PRKG2: variants seen among roughly 807,000 people sequenced by gnomAD.
PRKG2 encodes protein kinase cGMP-dependent 2.
PRKG2 carries 33 observed loss-of-function variants against 97.2 expected under a neutral mutation model. That is an observed-to-expected ratio of 0.34 (90% CI 0.26 to 0.45). PRKG2 has a LOEUF of 0.45. PRKG2 is among the 20% of genes least tolerant of loss of function. The probability of loss-of-function intolerance (pLI) is 1.00; values close to 1 mark genes in which losing one functional copy is unlikely to be tolerated. For synonymous variants in PRKG2, 330 were observed against 321.8 expected (o/e 1.03, Z -0.27); for missense variants, 638 against 900.0 (o/e 0.71, Z 3.73).
chr4:81,200,964 C>A (rs1424826864), intron 2 of PRKG2, among the ~76,000 whole-genome samples: 1 of 152,112 alleles, frequency 6.6e-6, no homozygotes, highest in South Asian at 2.1e-4. Flanking sequence ...TGATATACTG[C>A]AGGTTGGGTG....
intron 18 of PRKG2, among the ~76,000 whole-genome samples, chr4:81,091,856 T>C (rs1741569958): frequency 6.6e-6 from 1 of 152,196 alleles, no homozygotes; most frequent in Admixed American, 6.5e-5. Context: ...ACGAAGTGAC[T>C]GAGCACTTGA....
intron 6 of PRKG2, among the ~76,000 whole-genome samples, chr4:81,159,469 G>A (rs1265058377): frequency 6.6e-6 from 1 of 152,120 alleles, no homozygotes; most frequent in African/African-American, 2.4e-5. Context: ...ACAGGTGCTG[G>A]AGAGGATGTG....
intron 9 of PRKG2, 37 bp downstream of exon 9, chr4:81,148,847 G>A (rs768056119): frequency 1.3e-6 from 2 of 1,575,830 alleles, no homozygotes; most frequent in Non-Finnish European, 1.7e-6. Flanking sequence ...CTTCAAAGGT[G>A]GCAGTGGCCT....
intron 1 of PRKG2, among the ~76,000 whole-genome samples, chr4:81,211,480 T>G (rs1753967953): frequency 6.6e-6 from 1 of 152,152 alleles, no homozygotes; most frequent in South Asian, 2.1e-4. Context: ...ACTGAAAAAG[T>G]AAGATACTGA....
intron 17 of PRKG2, among the ~76,000 whole-genome samples, chr4:81,097,739 T>G (rs1158914245): frequency 6.6e-6 from 1 of 152,182 alleles, no homozygotes. Context: ...TTTTAAGTTA[T>G]GGAGATGGCT....
At chr4:81,186,564 T>C (rs907278737) in intron 2 of PRKG2, among the ~76,000 whole-genome samples, 4 of 151,934 alleles carry the variant, frequency 2.6e-5, no homozygotes, top group Non-Finnish European at 5.9e-5. Flanking sequence ...TTAAAAGATC[T>C]AGAGAAGCAA....
Position 81,142,876 on chromosome 4 carries a change from G to T in PRKG2, c.1325C>A (p.Ala442Asp). The change falls in exon 11 of 19, where the codon GCC becomes GAC. Residue 442 changes from alanine (A) to aspartate (D), a missense_variant. Around this residue, in one of 3 missense-constraint regions of PRKG2, gnomAD observed 304 missense variants for 460.5 expected, o/e 0.66. Transcript: ENST00000264399. ...LEMIQLKEKVARFSSSSPFQN... is the reference protein window; with the variant it reads ...LEMIQLKEKVDRFSSSSPFQN... ...GAATGGGGATGATGAGGAAAATCTG[G>T]CCACCTTCTCCTTCAGCTGAATCAT... The T allele has an allele frequency of 6.2e-7, 1 of 1,613,160 alleles. No individual in the cohort carries two copies. Among genetic ancestry groups the T allele is most frequent in the Non-Finnish European group, 8.5e-7 (1 of 1,179,408 alleles).
At chr4:81,138,140 T>C (rs1746897051) in intron 12 of PRKG2, among the ~76,000 whole-genome samples, 1 of 152,178 alleles carries the variant, frequency 6.6e-6, no homozygotes, top group Non-Finnish European at 1.5e-5. Flanking sequence ...GTGGTTCTCT[T>C]CACCAAATAA....
chr4:81,154,655 C>A (rs958291515), intron 6 of PRKG2, among the ~76,000 whole-genome samples: 6 of 151,704 alleles, frequency 4.0e-5, no homozygotes, highest in African/African-American at 1.5e-4. Flanking sequence ...TACATAAAAC[C>A]ACAAAGATGG....
intron 17 of PRKG2, among the ~76,000 whole-genome samples, chr4:81,101,229 G>T (rs913924130): frequency 6.6e-6 from 1 of 151,862 alleles, no homozygotes; most frequent in African/African-American, 2.4e-5. Flanking sequence ...TATACCCAAA[G>T]GATTATAAAT....
At position 81,092,465 on chromosome 4, in the gene PRKG2, A is replaced by AAAGG. The variant is rs59866145; in HGVS notation, c.2127-17_2127-14dup. On this transcript the variant is annotated splice_polypyrimidine_tract_variant and intron_variant, in intron 17 of 18. Transcript: ENST00000264399. ...ACCATTTAACCACCTGAGAAATGAG[A>AAAGG]AAGGAAGGAAGGAAGGAAGGAAGGA... The AAAGG allele has an allele frequency of 0.12, 113,666 of 915,434 alleles. 9,378 individuals carry two copies. The highest frequency in any genetic ancestry group is 0.18 in the Middle Eastern group (523 of 2,860). The allele number at this position is 915,434 out of a possible 1,614,324, so 56.7% of individuals were successfully genotyped here. A position where few individuals can be genotyped will look rare whatever the true frequency, so the allele number is the denominator to read the frequency against.
chr4:81,131,342 G>A (rs1279231201), intron 14 of PRKG2, among the ~76,000 whole-genome samples: 1 of 152,136 alleles, frequency 6.6e-6, no homozygotes, highest in East Asian at 1.9e-4. Flanking sequence ...GGGTATCTCA[G>A]TTAGAAATGC....
At chr4:81,132,865 A>G (rs1746314476) in intron 14 of PRKG2, among the ~76,000 whole-genome samples, 1 of 151,658 alleles carries the variant, frequency 6.6e-6, no homozygotes, top group Non-Finnish European at 1.5e-5. Context: ...AACATATTAG[A>G]TGTATTTATT....
At chr4:81,210,283 A>G (rs1380687285) in intron 1 of PRKG2, among the ~76,000 whole-genome samples, 1 of 152,068 alleles carries the variant, frequency 6.6e-6, no homozygotes, top group Non-Finnish European at 1.5e-5. Flanking sequence ...AAAAGAAGAA[A>G]ATGAAAAAAC....
chr4:81,096,366 T>C (rs1201166262), intron 17 of PRKG2, among the ~76,000 whole-genome samples: 1 of 151,912 alleles, frequency 6.6e-6, no homozygotes, highest in East Asian at 1.9e-4. Flanking sequence ...CACCCATCTC[T>C]ACAAAAAAAA....
chr4:81,101,722 AAAAG>A (rs959455056), intron 17 of PRKG2, among the ~76,000 whole-genome samples: 2 of 151,834 alleles, frequency 1.3e-5, no homozygotes, highest in Non-Finnish European at 1.5e-5. Flanking sequence ...ATAATAAAAA[AAAAG>A]AAAGAGAGAC....
At chr4:81,099,047 G>A (rs1038332425) in intron 17 of PRKG2, among the ~76,000 whole-genome samples, 11 of 152,130 alleles carry the variant, frequency 7.2e-5, no homozygotes, top group Non-Finnish European at 1.3e-4. Context: ...CTTCCTGTCA[G>A]GAAAGATGTC....
intron 1 of PRKG2, among the ~76,000 whole-genome samples, chr4:81,208,906 C>T (rs1753821205): frequency 6.6e-6 from 1 of 152,158 alleles, no homozygotes; most frequent in African/African-American, 2.4e-5. Flanking sequence ...ATAATTGAAG[C>T]TCTGTAATTC....
At chr4:81,155,140 T>A (rs889155773) in intron 6 of PRKG2, among the ~76,000 whole-genome samples, 3 of 131,462 alleles carry the variant, frequency 2.3e-5, no homozygotes, top group Non-Finnish European at 4.6e-5. Flanking sequence ...ATCCCGCCAC[T>A]GCACTCCAGC....
Sources: gnomAD v4.1 joint callset for allele counts (sites outside exome capture counted in the v4.1 genomes callset) on GRCh38, gnomAD v4.1.1 for gene constraint, gnomAD v4.1.1 regional missense constraint, MANE v1.5 for transcripts, NCBI Gene and HGNC (gene_info 2026-07-23, HGNC 2026-07-21) for gene names.